The following CNTN4 variants were observed in gnomAD, a reference collection of about 807,000 sequenced individuals.
The protein encoded by CNTN4 is contactin 4.
A neutral mutation model predicts 122.5 loss-of-function variants in CNTN4; 77 were observed. The observed-to-expected ratio is 0.63, with a 90% CI of 0.52 to 0.76. CNTN4 has a LOEUF of 0.76. Ranked by LOEUF, CNTN4 falls within the 30% of genes least tolerant of loss-of-function variation. CNTN4 has a pLI of 0.00. For missense variants in CNTN4, 1,256 were observed against 1,259.1 expected (o/e 1.00, Z 0.04); for synonymous variants, 512 against 447.0 (o/e 1.15, Z -1.83).
chr3:2,705,085 G>C (rs570520257), intron 4 of CNTN4, among the ~76,000 whole-genome samples: 3 of 151,686 alleles, frequency 2.0e-5, no homozygotes, highest in South Asian at 4.2e-4. Flanking sequence ...TAATTCCAAA[G>C]GCATGGTACA....
intron 13 of CNTN4, among the ~76,000 whole-genome samples, chr3:2,961,847 GA>G (rs1273065584): frequency 6.6e-6 from 1 of 152,224 alleles, no homozygotes; most frequent in Non-Finnish European, 1.5e-5. Context: ...ACACTGTGTA[GA>G]GGGGAATTCT....
intron 6 of CNTN4, among the ~76,000 whole-genome samples, chr3:2,803,804 A>G (rs780632367): frequency 6.6e-6 from 1 of 151,966 alleles, no homozygotes; most frequent in African/African-American, 2.4e-5. Flanking sequence ...CAGGTGATCC[A>G]CCTGCCTTGG....
chr3:2,623,635 A>G lies in CNTN4; in HGVS notation c.55+52077A>G, dbSNP rs541688731. 1.8e-4 allele frequency among the ~76,000 whole-genome samples: 28 copies of G among 152,312 alleles called. No individual in the cohort carries two copies. In the South Asian group the frequency reaches 5.8e-3, roughly 32 times the overall value. ...GAGGGTTGTGTGGCATGAATGATGA[A>G]TCATAAAACTGCTCTCTCTGGTGAA... On this transcript the variant is annotated intron_variant, in intron 4 of 24. Coordinates refer to ENST00000418658, the MANE Select transcript of CNTN4 (RefSeq NM_175607.3).
intron 2 of CNTN4, among the ~76,000 whole-genome samples, chr3:2,196,474 C>T (rs1054557060): frequency 3.3e-5 from 5 of 152,098 alleles, no homozygotes; most frequent in Admixed American, 3.3e-4. Flanking sequence ...TTTATCATTT[C>T]TTCATCACTT....
In CNTN4 at chr3:2,489,928, C is replaced by T. The variant is rs189343762; in HGVS notation, c.-88-81488C>T. On this transcript the variant is annotated intron_variant, in intron 3 of 24. Coordinates refer to ENST00000418658, the MANE Select transcript of CNTN4 (RefSeq NM_175607.3). Reference sequence around the variant, plus strand: ...GGATGTATGTATGTCTCGTATAAAACATACAGTCTATTCTGCCATTTTATA... The same window carrying T: ...GGATGTATGTATGTCTCGTATAAAATATACAGTCTATTCTGCCATTTTATA... 1.5e-3 allele frequency among the ~76,000 whole-genome samples: 223 copies of T among 152,238 alleles called. 2 individuals carry two copies. Among genetic ancestry groups the T allele is most frequent in the African/African-American group, 5.3e-3 (221 of 41,540 alleles).
At chr3:2,455,231 A>G (rs1349169361) in intron 3 of CNTN4, among the ~76,000 whole-genome samples, 1 of 152,142 alleles carries the variant, frequency 6.6e-6, no homozygotes, top group Non-Finnish European at 1.5e-5. Flanking sequence ...CAAATTTAAT[A>G]TCAGTAAGGA....
intron 6 of CNTN4, among the ~76,000 whole-genome samples, chr3:2,808,577 C>A (rs1397098846): frequency 6.6e-6 from 1 of 152,044 alleles, no homozygotes; most frequent in Non-Finnish European, 1.5e-5. Flanking sequence ...TGGCTGATAA[C>A]AGCCCTAATC....
chr3:2,431,445 G>C (rs1384959147), intron 3 of CNTN4, among the ~76,000 whole-genome samples: 2 of 152,186 alleles, frequency 1.3e-5, no homozygotes, highest in Non-Finnish European at 2.9e-5. Flanking sequence ...ATGGGATAGG[G>C]CACATTGAAA....
intron 7 of CNTN4, among the ~76,000 whole-genome samples, chr3:2,864,776 A>G (rs1162848794): frequency 7.3e-6 from 1 of 136,836 alleles, no homozygotes; most frequent in African/African-American, 2.7e-5. Flanking sequence ...TTTGATTCCA[A>G]CTCTCCTTGG....
chr3:2,883,485 G>C (rs1471702886), intron 9 of CNTN4, among the ~76,000 whole-genome samples: 1 of 152,116 alleles, frequency 6.6e-6, no homozygotes, highest in Non-Finnish European at 1.5e-5. Context: ...AAGGAGAATG[G>C]GCAATTCTGA....
At chr3:2,616,657 T>TAATA (rs2081754244) in intron 4 of CNTN4, among the ~76,000 whole-genome samples, 1 of 152,164 alleles carries the variant, frequency 6.6e-6, no homozygotes, top group South Asian at 2.1e-4. Flanking sequence ...CTTGACTTTT[T>TAATA]AATAATCGCC....
chr3:2,895,017 C>A (rs1327354909), intron 10 of CNTN4, among the ~76,000 whole-genome samples: 1 of 151,990 alleles, frequency 6.6e-6, no homozygotes, highest in African/African-American at 2.4e-5. Flanking sequence ...AATTTATTTT[C>A]GAGACAGGGT....
At chr3:2,353,334 A>G (rs1053121514) in intron 3 of CNTN4, among the ~76,000 whole-genome samples, 2 of 152,178 alleles carry the variant, frequency 1.3e-5, no homozygotes, top group East Asian at 1.9e-4. Context: ...AAATGGACCA[A>G]TCATCAGGAT....
At chr3:2,353,868 C>T (rs972496953) in intron 3 of CNTN4, among the ~76,000 whole-genome samples, 1 of 152,050 alleles carries the variant, frequency 6.6e-6, no homozygotes, top group Non-Finnish European at 1.5e-5. Flanking sequence ...CACCGCACTC[C>T]AGCCTGGGCG....
intron 3 of CNTN4, among the ~76,000 whole-genome samples, chr3:2,496,849 T>G (rs2151711377): frequency 6.6e-6 from 1 of 152,282 alleles, no homozygotes; most frequent in East Asian, 1.9e-4. Flanking sequence ...GAATTGGCTC[T>G]CACAATTATG....
At chr3:2,407,865 T>G (rs1208191896) in intron 3 of CNTN4, among the ~76,000 whole-genome samples, 2 of 152,214 alleles carry the variant, frequency 1.3e-5, no homozygotes, top group Non-Finnish European at 2.9e-5. Context: ...CATGTAATAT[T>G]CCCTATGTGA....
In CNTN4 at chr3:2,173,112, A is replaced by G. The variant is rs556288099; in HGVS notation, c.-145+72473A>G. Among the ~76,000 whole-genome samples the G allele has an allele frequency of 1.8e-3, 272 of 152,296 alleles. 1 individual carries two copies. The highest frequency in any genetic ancestry group is 3.1e-3 in the Non-Finnish European group (211 of 68,022). On this transcript the variant is annotated intron_variant, in intron 2 of 24. Coordinates refer to ENST00000418658, the MANE Select transcript of CNTN4 (RefSeq NM_175607.3). ...ATTGGAAGGATGGTTAAAAATCTCA[A>G]TGATTAGCATTAGAACAAAAGAGAA... is the stretch of plus-strand genomic sequence containing the variant.
chr3:2,259,699 C>T (rs1226611679), intron 2 of CNTN4, among the ~76,000 whole-genome samples: 6 of 152,124 alleles, frequency 3.9e-5, no homozygotes, highest in Admixed American at 1.3e-4. Context: ...TGGGGCAAAC[C>T]ACCCGTATGA....
intron 6 of CNTN4, among the ~76,000 whole-genome samples, chr3:2,819,166 A>C (rs2092807812): frequency 6.6e-6 from 1 of 152,220 alleles, no homozygotes; most frequent in African/African-American, 2.4e-5. Flanking sequence ...CAAGGTGATA[A>C]TCACTAAGTG....
Sources: allele counts gnomAD v4.1 joint callset (sites outside exome capture counted in the v4.1 genomes callset), GRCh38; gene constraint gnomAD v4.1.1; transcripts MANE v1.5; gene names NCBI Gene and HGNC (gene_info 2026-07-23, HGNC 2026-07-21).